The following ACOXL variants were observed in gnomAD, a reference collection of about 807,000 sequenced individuals.
The protein encoded by ACOXL is acyl-coenzyme A oxidase-like protein.
ACOXL carries 70 observed loss-of-function variants against 71.9 expected under a neutral mutation model. That is an observed-to-expected ratio of 0.97 (90% CI 0.80 to 1.19). ACOXL has a LOEUF of 1.19. Ranked by LOEUF, ACOXL falls within the 50% of genes most tolerant of loss-of-function variation. The pLI, the probability that ACOXL is intolerant of heterozygous loss-of-function variation, is 0.00. For missense variants in ACOXL, 703 were observed against 736.3 expected, an observed-to-expected ratio of 0.95 and a Z score of 0.52; for synonymous variants, 253 against 281.6, an observed-to-expected ratio of 0.90 and a Z score of 1.02.
intron 10 of ACOXL, among the ~76,000 whole-genome samples, chr2:110,884,904 G>T (rs1697097617): frequency 6.6e-6 from 1 of 151,984 alleles, no homozygotes; most frequent in Non-Finnish European, 1.5e-5. Flanking sequence ...AGCAACAATT[G>T]AAACTTCAGT....
intron 12 of ACOXL, among the ~76,000 whole-genome samples, chr2:110,945,854 A>G (rs546393684): frequency 6.6e-6 from 1 of 151,406 alleles, no homozygotes; most frequent in East Asian, 1.9e-4. Flanking sequence ...TGAATTTTAA[A>G]CTAGTTTTTT....
intron 1 of ACOXL, among the ~76,000 whole-genome samples, chr2:110,760,143 C>CTT (rs1222115185): frequency 3.6e-5 from 5 of 138,144 alleles, no homozygotes; most frequent in South Asian, 2.4e-4. Flanking sequence ...TTTTTCTTTT[C>CTT]TTTTTTTTTT....
intron 14 of ACOXL, among the ~76,000 whole-genome samples, chr2:111,025,035 C>T (rs1324750849): frequency 6.6e-6 from 1 of 151,962 alleles, no homozygotes; most frequent in Admixed American, 6.5e-5. Context: ...TTTCTGTCAC[C>T]CACAAAGTTC....
intron 11 of ACOXL, among the ~76,000 whole-genome samples, chr2:110,918,116 A>G (rs2059931593): frequency 6.6e-6 from 1 of 152,344 alleles, no homozygotes; most frequent in Non-Finnish European, 1.5e-5. Context: ...TCCTAAGCGA[A>G]AAGAACAAAG....
intron 12 of ACOXL, among the ~76,000 whole-genome samples, chr2:110,970,785 C>T (rs1188538860): frequency 1.3e-5 from 2 of 152,132 alleles, no homozygotes; most frequent in East Asian, 3.8e-4. Context: ...TAAACTGAAC[C>T]TCAACCTAAC....
chr2:110,935,565 C>T (rs1330591828), intron 12 of ACOXL, among the ~76,000 whole-genome samples: 4 of 152,184 alleles, frequency 2.6e-5, no homozygotes, highest in Non-Finnish European at 5.9e-5. Flanking sequence ...ATAACCCCAC[C>T]CTGTTAGAGA....
intron 12 of ACOXL, among the ~76,000 whole-genome samples, chr2:110,981,245 C>G (rs925942898): frequency 9.2e-5 from 14 of 152,162 alleles, no homozygotes; most frequent in African/African-American, 3.4e-4. Context: ...GTAATCCCAG[C>G]TACTCAGGAA....
chr2:110,848,131 A>C (rs1158561489), intron 10 of ACOXL, among the ~76,000 whole-genome samples: 1 of 152,244 alleles, frequency 6.6e-6, no homozygotes, highest in African/African-American at 2.4e-5. Flanking sequence ...AGTGTTGGCA[A>C]ATACCTAGCA....
In ACOXL at chr2:110,878,868, G is replaced by A. The variant is rs535643499; in HGVS notation, c.789-29921G>A. Among the ~76,000 whole-genome samples, 3 of 152,028 alleles carry A rather than the reference G, an allele frequency of 2.0e-5. No homozygotes were observed. The South Asian group carries it at 6.2e-4, about 32-fold the overall frequency. Reference sequence around the variant, plus strand: ...AGGTCAGGAGTTCAAGACCAGCCTGGCAAAGATGGTTAAACCCCGTCTCTA... The same window carrying A: ...AGGTCAGGAGTTCAAGACCAGCCTGACAAAGATGGTTAAACCCCGTCTCTA... On this transcript the variant is annotated intron_variant, in intron 10 of 17. Coordinates refer to ENST00000439055, the MANE Select transcript of ACOXL (RefSeq NM_001142807.4).
chr2:111,092,609 T>C (rs1156474159), intron 16 of ACOXL, among the ~76,000 whole-genome samples: 2 of 152,148 alleles, frequency 1.3e-5, no homozygotes, highest in Non-Finnish European at 2.9e-5. Flanking sequence ...TTCTTGAGTT[T>C]TGGGGAAGGA....
At chr2:111,048,462 A>T (rs2066127045) in intron 15 of ACOXL, among the ~76,000 whole-genome samples, 3 of 152,340 alleles carry the variant, frequency 2.0e-5, no homozygotes, top group African/African-American at 7.2e-5. Flanking sequence ...ATTTTCAAGC[A>T]TGAAACAATG....
At chr2:111,093,029 G>A in intron 17 of ACOXL, 63 bp downstream of exon 17, 1 of 1,349,014 alleles carries the variant, frequency 7.4e-7, no homozygotes, top group Non-Finnish European at 1.0e-6. Flanking sequence ...TGCTTTCTTA[G>A]AAAACAGTCC....
chr2:110,857,883 G>A (rs1440286915), intron 10 of ACOXL, among the ~76,000 whole-genome samples: 1 of 151,952 alleles, frequency 6.6e-6, no homozygotes, highest in Non-Finnish European at 1.5e-5. Flanking sequence ...GTACCACCAC[G>A]CCCAGCTCAT....
intron 12 of ACOXL, among the ~76,000 whole-genome samples, chr2:110,973,737 G>T (rs1285892946): frequency 6.6e-6 from 1 of 152,170 alleles, no homozygotes; most frequent in Non-Finnish European, 1.5e-5. Flanking sequence ...GCAGGAGAGG[G>T]ATTCAGGCAG....
At chr2:110,746,167 A>G (rs1678169321) in intron 1 of ACOXL, among the ~76,000 whole-genome samples, 1 of 152,188 alleles carries the variant, frequency 6.6e-6, no homozygotes, top group Non-Finnish European at 1.5e-5. Flanking sequence ...ACAGCTGTAG[A>G]CAGATGTTGA....
intron 16 of ACOXL, among the ~76,000 whole-genome samples, chr2:111,082,658 C>T (rs532815070): frequency 1.3e-5 from 2 of 152,180 alleles, no homozygotes; most frequent in African/African-American, 4.8e-5. Context: ...CCAGAAATAC[C>T]ATTTGACTCA....
intron 9 of ACOXL, among the ~76,000 whole-genome samples, chr2:110,812,291 G>A (rs1241532638): frequency 1.3e-5 from 2 of 152,268 alleles, no homozygotes; most frequent in African/African-American, 4.8e-5. Context: ...TTTAACAACC[G>A]AAATTTAAAC....
chr2:110,913,880 T>G (rs2059741573), intron 11 of ACOXL, among the ~76,000 whole-genome samples: 2 of 152,056 alleles, frequency 1.3e-5, no homozygotes, highest in Admixed American at 1.3e-4. Context: ...CTCAGTACAG[T>G]GAGGACACCA....
intron 12 of ACOXL, chr2:110,968,847 CTA>C (rs1281591296): frequency 2.9e-6 from 1 of 346,086 alleles, no homozygotes; most frequent in East Asian, 5.0e-5. Context: ...ATGGAACACT[CTA>C]TTCAACAGGA....
Sources: gnomAD v4.1 joint callset for allele counts (sites outside exome capture counted in the v4.1 genomes callset) on GRCh38, gnomAD v4.1.1 for gene constraint, MANE v1.5 for transcripts, NCBI Gene and HGNC (gene_info 2026-07-23, HGNC 2026-07-21) for gene names.